Variants in GRK5 observed in about 807,000 individuals in gnomAD.
The protein encoded by GRK5 is G protein-coupled receptor kinase 5.
A neutral mutation model predicts 78.4 loss-of-function variants in GRK5; 40 were observed. That is an observed-to-expected ratio of 0.51 (90% CI 0.40 to 0.66). The LOEUF is 0.66. GRK5 is among the 30% of genes least tolerant of loss of function. The pLI is 0.00. For synonymous variants in GRK5, 289 were observed against 296.8 expected, an observed-to-expected ratio of 0.97 and a Z score of 0.27; for missense variants, 598 against 759.9, an observed-to-expected ratio of 0.79 and a Z score of 2.50.
intron 13 of GRK5, 74 bp downstream of exon 13, chr10:119,448,334 A>C: frequency 1.3e-6 from 2 of 1,491,654 alleles, no homozygotes; most frequent in Non-Finnish European, 1.8e-6. Flanking sequence ...GCTGCCTCAC[A>C]GTGAGCTGGT....
chr10:119,296,465 T>C (rs558615189), intron 1 of GRK5, among the ~76,000 whole-genome samples: 1 of 152,318 alleles, frequency 6.6e-6, no homozygotes, highest in East Asian at 1.9e-4. Context: ...CAGGCACTGT[T>C]CAATGTCTGC....
intron 1 of GRK5, among the ~76,000 whole-genome samples, chr10:119,322,661 A>T (rs1326652749): frequency 1.3e-5 from 2 of 152,186 alleles, no homozygotes; most frequent in African/African-American, 2.4e-5. Context: ...TCACCTGGGG[A>T]TCCTTTTAAG....
chr10:119,269,766 G>A (rs1034489706), intron 1 of GRK5, among the ~76,000 whole-genome samples: 3 of 150,560 alleles, frequency 2.0e-5, no homozygotes, highest in Non-Finnish European at 4.4e-5. Flanking sequence ...CCAGAAGGCG[G>A]AGGTTGCAGT....
intron 1 of GRK5, chr10:119,208,671 G>C (rs1215963584): frequency 6.6e-6 from 1 of 152,156 alleles, no homozygotes; most frequent in East Asian, 1.9e-4. Flanking sequence ...TGGTGCTTTA[G>C]ATACGTTTTC....
chr10:119,340,764 T>C (rs1461855008), intron 2 of GRK5, among the ~76,000 whole-genome samples: 1 of 152,202 alleles, frequency 6.6e-6, no homozygotes, highest in East Asian at 1.9e-4. Flanking sequence ...TTAACCTTGA[T>C]TTGCTCGTCT....
intron 1 of GRK5, among the ~76,000 whole-genome samples, chr10:119,290,359 A>AC (rs1460311810): frequency 4.2e-5 from 6 of 142,474 alleles, no homozygotes; most frequent in African/African-American, 1.1e-4. Flanking sequence ...AAAAAAAAAA[A>AC]AAAACAAAAA....
At chr10:119,357,540 G>T (rs904879688) in intron 2 of GRK5, among the ~76,000 whole-genome samples, 1 of 152,178 alleles carries the variant, frequency 6.6e-6, no homozygotes, top group East Asian at 1.9e-4. Context: ...GGAGTGGAGT[G>T]GGGGAAGCAT....
intron 3 of GRK5, among the ~76,000 whole-genome samples, chr10:119,390,210 C>T (rs754397546): frequency 9.2e-5 from 14 of 152,046 alleles, no homozygotes; most frequent in African/African-American, 1.2e-4. Flanking sequence ...TGTATTAGTC[C>T]GTTTTCAGGC....
At chr10:119,306,340 G>A (rs571665629) in intron 1 of GRK5, among the ~76,000 whole-genome samples, 6 of 152,212 alleles carry the variant, frequency 3.9e-5, no homozygotes, top group South Asian at 2.1e-4. Flanking sequence ...TGCACACACC[G>A]ATAAACTTCA....
intron 1 of GRK5, among the ~76,000 whole-genome samples, chr10:119,301,449 A>G (rs1457316240): frequency 6.6e-6 from 1 of 152,154 alleles, no homozygotes; most frequent in Non-Finnish European, 1.5e-5. Flanking sequence ...CTCCACACAT[A>G]GTGGGTGTTC....
At chr10:119,384,952 T>C (rs1036126149) in intron 3 of GRK5, among the ~76,000 whole-genome samples, 22 of 152,160 alleles carry the variant, frequency 1.4e-4, no homozygotes, top group Admixed American at 1.2e-3. Flanking sequence ...GGTTGTATCA[T>C]GAAGTAGGAT....
chr10:119,299,296 T>A (rs1197753301), intron 1 of GRK5, among the ~76,000 whole-genome samples: 1 of 152,084 alleles, frequency 6.6e-6, no homozygotes, highest in East Asian at 1.9e-4. Context: ...TGCAAAAAAT[T>A]AGCCGGGCGG....
At chr10:119,345,492 C>T (rs1444367833) in intron 2 of GRK5, among the ~76,000 whole-genome samples, 1 of 152,220 alleles carries the variant, frequency 6.6e-6, no homozygotes, top group Non-Finnish European at 1.5e-5. Context: ...ATCCTTGGTA[C>T]TTGTCTTCCT....
At chr10:119,349,135 C>A (rs1267013715) in intron 2 of GRK5, among the ~76,000 whole-genome samples, 1 of 152,158 alleles carries the variant, frequency 6.6e-6, no homozygotes, top group South Asian at 2.1e-4. Context: ...CAGGGAAGAA[C>A]TCGTGGCCAG....
At chr10:119,381,021 A>AGT in intron 3 of GRK5, 94 bp downstream of exon 3, 1 of 798,498 alleles carries the variant, frequency 1.3e-6, no homozygotes, top group Non-Finnish European at 2.1e-6. Flanking sequence ...GGGTTAGAAG[A>AGT]CTGAGGAATA....
chr10:119,319,943 G>A (rs187899621), intron 1 of GRK5, among the ~76,000 whole-genome samples: 1 of 152,370 alleles, frequency 6.6e-6, no homozygotes, highest in East Asian at 1.9e-4. Context: ...GTAACTTAAT[G>A]GAAGCTTGCA....
intron 1 of GRK5, among the ~76,000 whole-genome samples, chr10:119,225,573 G>A (rs1443633926): frequency 6.6e-6 from 1 of 152,044 alleles, no homozygotes; most frequent in Non-Finnish European, 1.5e-5. Context: ...TCTCCTGCAA[G>A]GTTTGTCTAG....
chr10:119,370,423 A>G (rs1451372661), intron 2 of GRK5, among the ~76,000 whole-genome samples: 1 of 152,228 alleles, frequency 6.6e-6, no homozygotes, highest in Non-Finnish European at 1.5e-5. Flanking sequence ...AGAGGGACGA[A>G]TGGCACAGGA....
Position 119,207,645 on chromosome 10 carries a change from G to T in GRK5, c.-273G>T. On this transcript the variant is annotated 5_prime_UTR_variant, in exon 1 of 16. Transcript: ENST00000392870. ...ATGGAGTGACAGAGACACGCGGAGG[G>T]TGGGGGGTGGGGGGGAGCGTGTTGA... 1 of 378,280 alleles carries T rather than the reference G, an allele frequency of 2.6e-6. No homozygotes were observed. The highest frequency in any genetic ancestry group is 2.5e-5 in the South Asian group (1 of 40,792). 23.4% of individuals were successfully genotyped at this position (378,280 alleles called of 1,614,324 possible).
Sources: allele counts gnomAD v4.1 joint callset (sites outside exome capture counted in the v4.1 genomes callset), GRCh38; gene constraint gnomAD v4.1.1; transcripts MANE v1.5; gene names NCBI Gene and HGNC (gene_info 2026-07-23, HGNC 2026-07-21).